HHAT: variants seen among roughly 807,000 people sequenced by gnomAD.
HHAT encodes hedgehog acyltransferase.
In HHAT, 47 loss-of-function variants were observed where a neutral mutation model predicts 70.8. That is an observed-to-expected ratio of 0.66 (90% confidence interval 0.53 to 0.85). The LOEUF is 0.85. HHAT is among the 40% of genes least tolerant of loss of function. The pLI is 0.00. For synonymous variants in HHAT, 228 were observed against 247.6 expected, an observed-to-expected ratio of 0.92 and a Z score of 0.74; for missense variants, 609 against 604.8, an observed-to-expected ratio of 1.01 and a Z score of -0.07.
intron 4 of HHAT, among the ~76,000 whole-genome samples, chr1:210,396,301 T>G (rs1291153564): frequency 6.6e-6 from 1 of 152,156 alleles, no homozygotes; most frequent in African/African-American, 2.4e-5. Context: ...CATCCTGTGC[T>G]CCAGCAAGCT....
intron 4 of HHAT, among the ~76,000 whole-genome samples, chr1:210,395,482 G>T (rs2091732915): frequency 6.6e-6 from 1 of 152,200 alleles, no homozygotes; most frequent in South Asian, 2.1e-4. Flanking sequence ...TCTCCCGGGA[G>T]ACTCTGCTGG....
chr1:210,665,274 C>T (rs1274384782), intron 11 of HHAT, among the ~76,000 whole-genome samples: 1 of 152,258 alleles, frequency 6.6e-6, no homozygotes, highest in East Asian at 1.9e-4. Flanking sequence ...ATATCCTTCA[C>T]ATTTGCAGAC....
intron 10 of HHAT, among the ~76,000 whole-genome samples, chr1:210,605,012 TCAACAACAACAACAA>T (rs66718127): frequency 1.3e-5 from 2 of 150,620 alleles, no homozygotes; most frequent in African/African-American, 2.4e-5. Context: ...TGGGCAAGAC[TCAACAACAACAACAA>T]CAACAACAAC....
intron 11 of HHAT, among the ~76,000 whole-genome samples, chr1:210,664,036 T>G (rs1054631343): frequency 6.6e-6 from 1 of 152,196 alleles, no homozygotes; most frequent in Non-Finnish European, 1.5e-5. Context: ...ATTAGAGCCT[T>G]AAGGTAGCAA....
At chr1:210,524,089 G>C (rs768682060) in intron 9 of HHAT, among the ~76,000 whole-genome samples, 6 of 152,184 alleles carry the variant, frequency 3.9e-5, no homozygotes, top group Non-Finnish European at 8.8e-5. Context: ...GTTGCCAGGG[G>C]GTGGGGGAAG....
At chr1:210,449,087 C>T (rs2093693868) in intron 7 of HHAT, among the ~76,000 whole-genome samples, 1 of 152,206 alleles carries the variant, frequency 6.6e-6, no homozygotes, top group South Asian at 2.1e-4. Context: ...TTAGATGCAG[C>T]GTGTGTTAGA....
At chr1:210,430,231 A>T (rs2093203131) in intron 7 of HHAT, among the ~76,000 whole-genome samples, 1 of 151,756 alleles carries the variant, frequency 6.6e-6, no homozygotes, top group African/African-American at 2.4e-5. Flanking sequence ...TAGTTTCTGG[A>T]ACTGAAAGAT....
chr1:210,614,018 C>CAAAAAAAAAA (rs55874321), intron 10 of HHAT, among the ~76,000 whole-genome samples: 13 of 111,564 alleles, frequency 1.2e-4, no homozygotes, highest in African/African-American at 4.6e-4. Context: ...GACCCTGCCT[C>CAAAAAAAAAA]AAAAAAAAAA....
intron 6 of HHAT, among the ~76,000 whole-genome samples, chr1:210,413,057 C>G (rs1251260677): frequency 6.6e-6 from 1 of 152,226 alleles, no homozygotes; most frequent in Non-Finnish European, 1.5e-5. Context: ...GCTTTGTCCC[C>G]CAGGCCTTTG....
At chr1:210,624,903 A>G (rs1285157229) in intron 11 of HHAT, among the ~76,000 whole-genome samples, 3 of 152,212 alleles carry the variant, frequency 2.0e-5, no homozygotes, top group Admixed American at 6.5e-5. Context: ...TGGTGATGAC[A>G]TAACTCTGCA....
chr1:210,530,324 T>G (rs774878929), intron 9 of HHAT, among the ~76,000 whole-genome samples: 17 of 152,226 alleles, frequency 1.1e-4, no homozygotes, highest in Non-Finnish European at 2.2e-4. Context: ...TATCAGCCTT[T>G]ACCTTAAAAG....
chr1:210,580,825 C>G (rs1659103849), intron 9 of HHAT, among the ~76,000 whole-genome samples: 1 of 152,026 alleles, frequency 6.6e-6, no homozygotes, highest in Non-Finnish European at 1.5e-5. Context: ...ATTTATAGTC[C>G]TTTGGTTATA....
chr1:210,449,059 A>G (rs2093693213), intron 7 of HHAT, among the ~76,000 whole-genome samples: 1 of 105,788 alleles, frequency 9.5e-6, no homozygotes, highest in South Asian at 3.8e-4. Context: ...GACACACACA[A>G]CCACCAACAA....
chr1:210,491,294 T>A (rs2094548795), intron 8 of HHAT, among the ~76,000 whole-genome samples: 1 of 152,078 alleles, frequency 6.6e-6, no homozygotes, highest in Non-Finnish European at 1.5e-5. Context: ...AAATGCTGAG[T>A]GAAATTTTTC....
At chr1:210,583,328 G>C (rs1382531524) in intron 9 of HHAT, among the ~76,000 whole-genome samples, 1 of 152,188 alleles carries the variant, frequency 6.6e-6, no homozygotes, top group East Asian at 1.9e-4. Context: ...GCCAGGCAGA[G>C]GCAGGCTTCG....
chr1:210,451,966 G>T (rs1039852487), intron 7 of HHAT, among the ~76,000 whole-genome samples: 1 of 152,250 alleles, frequency 6.6e-6, no homozygotes, highest in East Asian at 1.9e-4. Flanking sequence ...CAGATCTCTG[G>T]CTCAGATACT....
At position 210,449,505 on chromosome 1, in the gene HHAT, A is replaced by G. The variant is rs192017689; in HGVS notation, c.857-15000A>G. 1.1e-3 allele frequency among the ~76,000 whole-genome samples: 164 copies of G among 152,192 alleles called. 1 individual carries two copies. Among genetic ancestry groups the G allele is most frequent in the Non-Finnish European group, 1.9e-3 (130 of 68,006 alleles). On this transcript the variant is annotated intron_variant, in intron 7 of 11. Coordinates refer to ENST00000261458, the MANE Select transcript of HHAT (RefSeq NM_018194.6). ...TGGTTCATTTCTTCATGCTTTGTCT[A>G]TGCCATTGCTTCAGGTTTTCTTTAC...
chr1:210,496,143 C>T (rs1455014530), intron 8 of HHAT, among the ~76,000 whole-genome samples: 1 of 150,824 alleles, frequency 6.6e-6, no homozygotes, highest in Non-Finnish European at 1.5e-5. Context: ...AAATTACTCC[C>T]ACACTTAGTA....
intron 9 of HHAT, among the ~76,000 whole-genome samples, chr1:210,578,623 T>C (rs1658457659): frequency 6.6e-6 from 1 of 152,186 alleles, no homozygotes. Flanking sequence ...ATACATACAA[T>C]GTAATATTAT....
Sources: gnomAD v4.1 joint callset for allele counts (sites outside exome capture counted in the v4.1 genomes callset) on GRCh38, gnomAD v4.1.1 for gene constraint, MANE v1.5 for transcripts, NCBI Gene and HGNC (gene_info 2026-07-23, HGNC 2026-07-21) for gene names.